The following PSG5 variants were observed in gnomAD, a reference collection of about 807,000 sequenced individuals.
The protein encoded by PSG5 is pregnancy-specific beta-1-glycoprotein 5.
Under a neutral mutation model 37.7 loss-of-function variants are expected in PSG5, and 53 were observed. The ratio of observed to expected loss-of-function variants is 1.41; its 90% CI spans 1.13 to 1.77. The LOEUF (loss-of-function observed/expected upper bound fraction) is 1.77. Among genes scored for constraint, PSG5 ranks in the 40% most tolerant of loss-of-function variants. The pLI is 0.00. For synonymous variants in PSG5, 221 were observed against 155.4 expected, an observed-to-expected ratio of 1.42 and a Z score of -3.14; for missense variants, 547 against 405.2, an observed-to-expected ratio of 1.35 and a Z score of -3.00.
chr19:43,175,588 C>T, intron 3 of PSG5, 119 bp from the exon 4 acceptor site: 4 of 1,464,604 alleles, frequency 2.7e-6, no homozygotes, highest in East Asian at 2.3e-5. Context: ...CCCAGCCGAA[C>T]CCCCACTATA....
At chr19:43,182,908 G>T (rs1393261011) in intron 2 of PSG5, among the ~76,000 whole-genome samples, 3 of 148,204 alleles carry the variant, frequency 2.0e-5, no homozygotes, top group Non-Finnish European at 1.5e-5. Context: ...TGGCAGGAGT[G>T]GCAACTCCAG....
At chr19:43,175,006 G>A in intron 4 of PSG5, 2 of 1,449,770 alleles carry the variant, frequency 1.4e-6, no homozygotes, top group Non-Finnish European at 9.2e-7. Context: ...ACTTTCTTAG[G>A]CCAGACACAA....
intron 2 of PSG5, among the ~76,000 whole-genome samples, chr19:43,176,800 C>T (rs574364116): frequency 1.3e-5 from 2 of 150,504 alleles, no homozygotes; most frequent in African/African-American, 4.9e-5. Context: ...AAAGATAGAG[C>T]AGAGTGCAAG....
At chr19:43,173,283 T>G (rs965750906) in intron 4 of PSG5, among the ~76,000 whole-genome samples, 3 of 151,692 alleles carry the variant, frequency 2.0e-5, no homozygotes, top group Non-Finnish European at 2.9e-5. Flanking sequence ...AAAAGCTTCA[T>G]GATACTGGAT....
rs374682828 is a variant in PSG5, at chr19:43,167,831, A to C, written c.*413T>G. The C allele has an allele frequency of 7.2e-5, 20 of 278,392 alleles. No individual in the cohort carries two copies. The South Asian group carries it at 2.8e-3, about 39-fold the overall frequency. The allele number at this position is 278,392 out of a possible 1,614,324, so 17.2% of individuals were successfully genotyped here. On this transcript the variant is annotated 3_prime_UTR_variant, in exon 6 of 6. Coordinates refer to ENST00000342951, the MANE Select transcript of PSG5 (RefSeq NM_002781.4). ...CTGGGGCACTCAGATAGAGAGCAAA[A>C]GCAAATGTTTCAATTTTTGTTTACA...
At chr19:43,183,915 A>C (rs8113065) in intron 2 of PSG5, among the ~76,000 whole-genome samples, 151,285 of 151,452 alleles carry the variant, frequency 1, 75,560 homozygotes, top group Middle Eastern at 1. Context: ...TGGACTGTGG[A>C]TTTTCATGCT....
intron 2 of PSG5, chr19:43,180,638 C>T (rs990536688): frequency 1.3e-5 from 2 of 151,530 alleles, no homozygotes; most frequent in Non-Finnish European, 2.9e-5. Context: ...AAAATGTTTT[C>T]ATAAGTGGAA....
chr19:43,183,928 T>C lies in PSG5; in HGVS notation c.430+854A>G, dbSNP rs550756509. Among the ~76,000 whole-genome samples, 5 of 148,468 alleles carry C rather than the reference T, an allele frequency of 3.4e-5. No individual in the cohort carries two copies. In the South Asian group the frequency reaches 6.4e-4, roughly 19 times the overall value. On this transcript the variant is annotated intron_variant, in intron 2 of 5. Transcript: ENST00000342951. ...AATGGACTGTGGATTTTCATGCTAC[T>C]GTGAATAAATGTTAAATGATTCAGT...
rs1225386300 is a variant in PSG5, at chr19:43,168,151, A to G, written c.*93T>C. 1.8e-5 allele frequency: 8 copies of G among 440,216 alleles called. No individual in the cohort carries two copies. The highest frequency in any genetic ancestry group is 1.3e-4 in the Admixed American group (3 of 22,850). The allele number at this position is 440,216 out of a possible 1,614,324, so 27.3% of individuals were successfully genotyped here. ...CATAAATCTCCTTGAAGAAAAAGCA[A>G]TTTTGGACTGTAGGTGATTGTAAGT... On this transcript the variant is annotated 3_prime_UTR_variant, in exon 6 of 6. Coordinates refer to ENST00000342951, the MANE Select transcript of PSG5 (RefSeq NM_002781.4).
At position 43,185,289 on chromosome 19, in the gene PSG5, G is replaced by A. The variant is rs1191119902; in HGVS notation, c.65-142C>T. 14 of 1,226,900 alleles carry A rather than the reference G, an allele frequency of 1.1e-5. No homozygotes were observed. The South Asian group carries it at 1.5e-4, about 13-fold the overall frequency. The allele number at this position is 1,226,900 out of a possible 1,614,324, so 76.0% of individuals were successfully genotyped here. The stretch of plus-strand genomic sequence containing the variant: ...ACAAACACACACACACACAAAAGGT[G>A]CATGTTAGTTTGTGTGTGTGTATGT... On this transcript the variant is annotated intron_variant, in intron 1 of 5. Coordinates refer to ENST00000342951, the MANE Select transcript of PSG5 (RefSeq NM_002781.4).
At chr19:43,181,164 T>C (rs1969120353) in intron 2 of PSG5, among the ~76,000 whole-genome samples, 1 of 151,580 alleles carries the variant, frequency 6.6e-6, no homozygotes, top group Non-Finnish European at 1.5e-5. Context: ...GTAAAACCAT[T>C]AGATAGCACA....
chr19:43,183,767 G>A (rs1334841831), intron 2 of PSG5, among the ~76,000 whole-genome samples: 2 of 142,794 alleles, frequency 1.4e-5, no homozygotes, highest in East Asian at 3.9e-4. Flanking sequence ...CTCACTTCTG[G>A]TGGAGAAGAT....
chr19:43,176,406 T>C (rs1969012877), intron 2 of PSG5, among the ~76,000 whole-genome samples: 1 of 151,544 alleles, frequency 6.6e-6, no homozygotes, highest in South Asian at 2.1e-4. Context: ...AACAGACACA[T>C]CAGTGGGAGT....
intron 2 of PSG5, among the ~76,000 whole-genome samples, chr19:43,182,705 A>ATTTTTTTTTTTTTTTTTTTTTTTTT (rs534568803): frequency 2.4e-4 from 14 of 58,460 alleles, no homozygotes; most frequent in East Asian, 1.2e-3. Context: ...CATTTCAATA[A>ATTTTTTTTTTTTTTTTTTTTTTTTT]TTTTTTTTTT....
intron 4 of PSG5, chr19:43,170,607 C>T: frequency 3.4e-6 from 1 of 296,404 alleles, no homozygotes; most frequent in South Asian, 4.0e-5. Context: ...CACAGGCTCC[C>T]AGGAAGGGCG....
intron 3 of PSG5, 47 bp downstream of exon 3, chr19:43,175,823 A>C (rs1968996411): frequency 1.2e-6 from 2 of 1,605,916 alleles, no homozygotes; most frequent in Non-Finnish European, 1.7e-6. Context: ...GTGGTCATTT[A>C]GATTTAAGCT....
chr19:43,186,283 A>AC, intron 1 of PSG5, 59 bp downstream of exon 1: 1 of 1,608,746 alleles, frequency 6.2e-7, no homozygotes, highest in Non-Finnish European at 8.5e-7. Flanking sequence ...TCTCCAGGAG[A>AC]CCCAATCCAG....
At chr19:43,182,868 G>C (rs962429757) in intron 2 of PSG5, among the ~76,000 whole-genome samples, 1 of 147,764 alleles carries the variant, frequency 6.8e-6, no homozygotes, top group African/African-American at 2.5e-5. Flanking sequence ...TTCTCTTAGT[G>C]ACCTGGGAAC....
chr19:43,182,625 T>G (rs1969152331), intron 2 of PSG5, among the ~76,000 whole-genome samples: 1 of 149,380 alleles, frequency 6.7e-6, no homozygotes, highest in Admixed American at 6.7e-5. Flanking sequence ...CTGATTTGAG[T>G]AATAATAAAC....
Sources: gnomAD v4.1 joint callset for allele counts (sites outside exome capture counted in the v4.1 genomes callset) on GRCh38, gnomAD v4.1.1 for gene constraint, MANE v1.5 for transcripts, NCBI Gene and HGNC (gene_info 2026-07-23, HGNC 2026-07-21) for gene names.